Variants in CLIP4 observed in about 807,000 individuals in gnomAD.
The protein encoded by CLIP4 is CAP-Gly domain containing linker protein family member 4, also known as CAP-Gly domain-containing linker protein 4.
A neutral mutation model predicts 73.1 loss-of-function variants in CLIP4; 47 were observed. That is an observed-to-expected ratio of 0.64 (90% confidence interval 0.51 to 0.82). The LOEUF (loss-of-function observed/expected upper bound fraction) is 0.82, where lower values mean the gene tolerates loss of function less well. Among genes scored for constraint, CLIP4 ranks in the 40% least tolerant of loss-of-function variants. The pLI is 0.00. For synonymous variants in CLIP4, 306 were observed against 295.4 expected, an observed-to-expected ratio of 1.04 and a Z score of -0.37; for missense variants, 874 against 852.9, an observed-to-expected ratio of 1.02 and a Z score of -0.31.
rs1663742402 is a variant in CLIP4 at position 29,115,672 on chromosome 2, C to T, written c.-16+7C>T. On this transcript the variant is annotated splice_region_variant and intron_variant, in intron 1 of 15. Coordinates refer to ENST00000320081, the MANE Select transcript of CLIP4 (RefSeq NM_024692.6). This position sits in a 1 kb window ranked among gnomAD's most constrained non-coding sequence, Gnocchi z 5.1. Reference sequence around the variant, plus strand: ...GAGGACCCGGAGGAGGCAGGTGGGCCGGGGGCGCGCGGGGCCCCCCCGGGC... The same window carrying T: ...GAGGACCCGGAGGAGGCAGGTGGGCTGGGGGCGCGCGGGGCCCCCCCGGGC... 6.8e-6 allele frequency: 1 copy of T among 146,494 alleles called. No individual in the cohort carries two copies. The highest frequency in any genetic ancestry group is 2.5e-5 in the African/African-American group (1 of 40,686). 9.1% of individuals were successfully genotyped at this position (146,494 alleles called of 1,614,324 possible).
chr2:29,132,109 C>A, intron 3 of CLIP4, 43 bp from the exon 4 acceptor site: 1 of 1,454,844 alleles, frequency 6.9e-7, no homozygotes, highest in Middle Eastern at 1.7e-4. Context: ...CAATAGGTAC[C>A]TCAGTAGTTA....
chr2:29,163,475 C>T (rs1468886435), intron 12 of CLIP4, among the ~76,000 whole-genome samples: 2 of 152,018 alleles, frequency 1.3e-5, no homozygotes, highest in Non-Finnish European at 2.9e-5. Flanking sequence ...TCACTTCTTT[C>T]ACTGAAACAC....
intron 1 of CLIP4, among the ~76,000 whole-genome samples, chr2:29,099,881 C>A (rs1667989898): frequency 6.6e-6 from 1 of 152,116 alleles, no homozygotes; most frequent in Non-Finnish European, 1.5e-5. Context: ...TATCATTTTC[C>A]TTATATACAT....
upstream of CLIP4, chr2:29,115,340 C>G (rs1663701981): frequency 1.3e-5 from 2 of 151,894 alleles, no homozygotes; most frequent in Non-Finnish European, 2.9e-5. The surrounding 1 kb of genome is among the most constrained non-coding windows in gnomAD (Gnocchi z 5.1). Context: ...CCGCGTGCGC[C>G]CGATCATCTG....
At chr2:29,103,975 G>A (rs1341973175) in intron 1 of CLIP4, among the ~76,000 whole-genome samples, 2 of 151,922 alleles carry the variant, frequency 1.3e-5, no homozygotes, top group East Asian at 3.9e-4. Flanking sequence ...CCAAAGTGCT[G>A]GGATTACAGG....
At chr2:29,158,229 G>A (rs1407119466) in intron 11 of CLIP4, among the ~76,000 whole-genome samples, 1 of 152,156 alleles carries the variant, frequency 6.6e-6, no homozygotes, top group Admixed American at 6.5e-5. Context: ...TATGTTGTGA[G>A]GAGCAGAGGT....
chr2:29,135,038 A>C (rs989241770), intron 5 of CLIP4, among the ~76,000 whole-genome samples: 1 of 152,074 alleles, frequency 6.6e-6, no homozygotes, highest in Non-Finnish European at 1.5e-5. Flanking sequence ...TGATGAAACT[A>C]CTCAGTTCCA....
intron 13 of CLIP4, among the ~76,000 whole-genome samples, chr2:29,165,596 G>C (rs1245031066): frequency 6.6e-6 from 1 of 152,222 alleles, no homozygotes; most frequent in Admixed American, 6.5e-5. Flanking sequence ...TAAAATGCAT[G>C]CTGAGTCACC....
chr2:29,164,115 G>A (rs1281643078), intron 13 of CLIP4, among the ~76,000 whole-genome samples, 161 bp downstream of exon 13: 1 of 152,164 alleles, frequency 6.6e-6, no homozygotes, highest in Non-Finnish European at 1.5e-5. Context: ...CTCATGGAAA[G>A]CTAAATTTGC....
At chr2:29,105,481 T>C (rs970634168) in intron 1 of CLIP4, among the ~76,000 whole-genome samples, 1 of 152,184 alleles carries the variant, frequency 6.6e-6, no homozygotes, top group Non-Finnish European at 1.5e-5. Flanking sequence ...TCCTCAGTCT[T>C]TCTCTCTTTA....
At chr2:29,179,252 A>G (rs1668517577) in intron 15 of CLIP4, among the ~76,000 whole-genome samples, 1 of 152,110 alleles carries the variant, frequency 6.6e-6, no homozygotes, top group South Asian at 2.1e-4. Flanking sequence ...CTTTTTAATC[A>G]CATGTAAAAT....
intron 10 of CLIP4, among the ~76,000 whole-genome samples, chr2:29,156,696 A>G (rs1191183846): frequency 1.3e-5 from 2 of 152,208 alleles, no homozygotes; most frequent in Non-Finnish European, 2.9e-5. Context: ...AAGAAAATAA[A>G]CGGAAATTCC....
At chr2:29,174,489 A>G (rs1280766076) in intron 15 of CLIP4, 44 bp downstream of exon 15, 2 of 1,591,604 alleles carry the variant, frequency 1.3e-6, no homozygotes, top group Non-Finnish European at 1.7e-6. Flanking sequence ...CAAGATGAAC[A>G]TGATGGGATT....
intron 15 of CLIP4, among the ~76,000 whole-genome samples, chr2:29,175,864 C>A (rs879287941): frequency 7.2e-5 from 11 of 152,068 alleles, no homozygotes; most frequent in Non-Finnish European, 1.5e-4. Flanking sequence ...CGGGTTCACG[C>A]CATTCTTCTG....
chr2:29,183,331 C>T lies in CLIP4; in HGVS notation c.*1438C>T, dbSNP rs941645620. 2.6e-5 allele frequency: 4 copies of T among 152,594 alleles called. No homozygotes were observed. Among genetic ancestry groups the T allele is most frequent in the Admixed American group, 1.3e-4 (2 of 15,288 alleles). The allele number at this position is 152,594 out of a possible 1,614,324, so 9.5% of individuals were successfully genotyped here. A position where few individuals can be genotyped will look rare whatever the true frequency, so the allele number is the denominator to read the frequency against. ...ATTTTAAATCTAAATTCTGTCACTT[C>T]GCTGCCTTTTTAAAATAGTGTGGTA... On this transcript the variant is annotated 3_prime_UTR_variant, in exon 16 of 16. Coordinates refer to ENST00000320081, the MANE Select transcript of CLIP4 (RefSeq NM_024692.6).
Position 29,121,647 on chromosome 2 carries a change from C to T in CLIP4, c.133+126C>T, listed in dbSNP as rs545604379. 5.4e-6 allele frequency: 6 copies of T among 1,121,056 alleles called. No individual in the cohort carries two copies. In the Admixed American group the frequency reaches 1.6e-4, roughly 29 times the overall value. The allele number at this position is 1,121,056 out of a possible 1,614,324, so 69.4% of individuals were successfully genotyped here. A position where few individuals can be genotyped will look rare whatever the true frequency, so the allele number is the denominator to read the frequency against. ...TTTTCATAAAATTGCTAAAGTTTTC[C>T]TTTTTCAAAAATACAATTGCTTATT... On this transcript the variant is annotated intron_variant, in intron 2 of 15. Transcript: ENST00000320081.
At chr2:29,172,625 C>A (rs539529189) in intron 14 of CLIP4, among the ~76,000 whole-genome samples, 1 of 152,000 alleles carries the variant, frequency 6.6e-6, no homozygotes, top group African/African-American at 2.4e-5. Context: ...CAATTCTTTA[C>A]AATTCTTATT....
Position 29,133,806 on chromosome 2 carries a change from G to A in CLIP4, c.519G>A (p.Ser173=), listed in dbSNP as rs150045383. 103 of 1,602,922 alleles carry A rather than the reference G, an allele frequency of 6.4e-5. No homozygotes were observed. The highest frequency in any genetic ancestry group is 4.0e-4 in the East Asian group (18 of 44,742). ...PELIRVILKT[S]KPKDVDATCS... is the part of the protein sequence containing the mutation. ...TTATAAGAGTGATTTTGAAAACATC[G>A]AAACCAAAAGGCAAGTATTATAAGA... Residue 173 remains serine (S), a synonymous_variant, in exon 5 of 16, where the codon TCG becomes TCA. Transcript: ENST00000320081.
intron 8 of CLIP4, among the ~76,000 whole-genome samples, chr2:29,147,330 G>A (rs1356968910): frequency 6.6e-6 from 1 of 151,976 alleles, no homozygotes; most frequent in Non-Finnish European, 1.5e-5. Context: ...TTTAAAAAAG[G>A]ATGAGTTTTA....
Sources: allele counts gnomAD v4.1 joint callset (sites outside exome capture counted in the v4.1 genomes callset), GRCh38; gene constraint gnomAD v4.1.1; non-coding constraint Gnocchi (gnomAD v3.1); transcripts MANE v1.5; gene names NCBI Gene and HGNC (gene_info 2026-07-23, HGNC 2026-07-21).